The following FARS2 variants were observed in gnomAD, a reference collection of about 807,000 sequenced individuals.
FARS2 encodes phenylalanyl-tRNA synthetase 2, mitochondrial.
Under a neutral mutation model 46.4 loss-of-function variants are expected in FARS2, and 40 were observed. The observed-to-expected ratio is 0.86, with a 90% CI of 0.67 to 1.12. The LOEUF (loss-of-function observed/expected upper bound fraction) is 1.12, where lower values mean the gene tolerates loss of function less well. Among genes scored for constraint, FARS2 ranks in the 50% most tolerant of loss-of-function variants. The probability of loss-of-function intolerance (pLI) is 0.00; values close to 1 mark genes in which losing one functional copy is unlikely to be tolerated. For missense variants in FARS2, 513 were observed against 567.9 expected, an observed-to-expected ratio of 0.90 and a Z score of 0.98; for synonymous variants, 234 against 214.9, an observed-to-expected ratio of 1.09 and a Z score of -0.78.
intron 1 of FARS2, among the ~76,000 whole-genome samples, chr6:5,346,747 CAATTCT>C (rs1338445740): frequency 6.6e-6 from 1 of 151,216 alleles, no homozygotes; most frequent in Non-Finnish European, 1.5e-5. Context: ...TATCCTCCAA[CAATTCT>C]TTTTTTTTTG....
chr6:5,547,555 G>A (rs1771110695), intron 5 of FARS2, among the ~76,000 whole-genome samples: 1 of 152,276 alleles, frequency 6.6e-6, no homozygotes, highest in East Asian at 1.9e-4. Flanking sequence ...GTGAGATCTA[G>A]CCCTGCAGCA....
intron 1 of FARS2, among the ~76,000 whole-genome samples, chr6:5,276,999 T>C (rs1479727514): frequency 6.6e-6 from 1 of 152,326 alleles, no homozygotes; most frequent in East Asian, 1.9e-4. Flanking sequence ...CTCAGTGCAT[T>C]GTGGTGTAAA....
In FARS2 at chr6:5,297,643, T is replaced by C. The variant is rs115492309; in HGVS notation, c.-22+35983T>C. On this transcript the variant is annotated intron_variant, in intron 1 of 6. Coordinates refer to ENST00000274680, the MANE Select transcript of FARS2 (RefSeq NM_006567.5). ...AGCCCGGGCAACAAGGGTGAAACTC[T>C]GTCTCACAAGCAAAAAAATAAAAAA... Among the ~76,000 whole-genome samples the C allele has an allele frequency of 6.8e-3, 984 of 145,692 alleles. 7 individuals are homozygous for C. Among genetic ancestry groups the C allele is most frequent in the Non-Finnish European group, 9.9e-3 (655 of 66,454 alleles).
chr6:5,264,299 C>T (rs1765393424), intron 1 of FARS2, among the ~76,000 whole-genome samples: 1 of 152,012 alleles, frequency 6.6e-6, no homozygotes, highest in African/African-American at 2.4e-5. Context: ...TATTCTACAC[C>T]ACACATGAAT....
chr6:5,724,589 A>G (rs916145730), intron 6 of FARS2, among the ~76,000 whole-genome samples: 28 of 152,276 alleles, frequency 1.8e-4, no homozygotes, highest in African/African-American at 6.0e-4. Context: ...CTGGCAGGAG[A>G]CAGCGCATCC....
intron 6 of FARS2, among the ~76,000 whole-genome samples, chr6:5,718,099 A>C (rs969516675): frequency 2.0e-5 from 3 of 151,986 alleles, no homozygotes; most frequent in Non-Finnish European, 4.4e-5. Context: ...TTTTTGGTAG[A>C]GATGAAGTTT....
chr6:5,366,445 C>T (rs1211211011), intron 1 of FARS2, among the ~76,000 whole-genome samples: 1 of 152,176 alleles, frequency 6.6e-6, no homozygotes, highest in Non-Finnish European at 1.5e-5. Flanking sequence ...TCATCCATCT[C>T]TCTCTGTTAG....
chr6:5,614,892 T>C (rs1018905293), intron 6 of FARS2, among the ~76,000 whole-genome samples: 1 of 152,270 alleles, frequency 6.6e-6, no homozygotes. Flanking sequence ...TATACTTGAA[T>C]AACAGTTTGG....
intron 1 of FARS2, among the ~76,000 whole-genome samples, chr6:5,304,526 T>G (rs1768557333): frequency 6.6e-6 from 1 of 152,232 alleles, no homozygotes; most frequent in African/African-American, 2.4e-5. Context: ...GCAGATTGCT[T>G]TCCAGAAGAG....
chr6:5,444,990 G>A (rs1011168388), intron 4 of FARS2, among the ~76,000 whole-genome samples: 5 of 152,204 alleles, frequency 3.3e-5, no homozygotes, highest in Non-Finnish European at 7.3e-5. Context: ...TCTGTAAGAT[G>A]AGGGGCCTAA....
upstream of FARS2, among the ~76,000 whole-genome samples, chr6:5,256,490 GGAAAAAAAAAAAAAAAAA>G (rs1332974092): frequency 1.6e-3 from 61 of 37,524 alleles, 1 homozygote; most frequent in African/African-American, 3.3e-3. Context: ...GATTTCAACT[GGAAAAAAAAAAAAAAAAA>G]AAAAAAAAAA....
chr6:5,702,690 G>A (rs1758516357), intron 6 of FARS2, among the ~76,000 whole-genome samples: 2 of 152,150 alleles, frequency 1.3e-5, no homozygotes, highest in African/African-American at 4.8e-5. Context: ...CTCATCTCAC[G>A]TTTCCTAAAA....
chr6:5,250,270 A>C, the FARS2 span, among the ~76,000 whole-genome samples: 1 of 152,130 alleles, frequency 6.6e-6, no homozygotes, highest in African/African-American at 2.4e-5. Flanking sequence ...GTATAAATAG[A>C]ATAAGTGCAA....
At chr6:5,500,346 T>G (rs1363739653) in intron 4 of FARS2, among the ~76,000 whole-genome samples, 3 of 152,180 alleles carry the variant, frequency 2.0e-5, no homozygotes, top group Non-Finnish European at 4.4e-5. Context: ...GAAATGCAGC[T>G]TTTCTCCCAG....
At chr6:5,433,934 C>T (rs938258672) in intron 4 of FARS2, among the ~76,000 whole-genome samples, 2 of 152,096 alleles carry the variant, frequency 1.3e-5, no homozygotes, top group South Asian at 4.1e-4. Flanking sequence ...ATTTCCAAGT[C>T]ATTATTGCAC....
chr6:5,668,754 C>T (rs1348285336), intron 6 of FARS2, among the ~76,000 whole-genome samples: 1 of 131,402 alleles, frequency 7.6e-6, no homozygotes, highest in Non-Finnish European at 1.5e-5. Flanking sequence ...AGTGCAATGA[C>T]GTGATCTCGA....
chr6:5,339,910 T>C (rs1380262796), intron 1 of FARS2, among the ~76,000 whole-genome samples: 1 of 152,256 alleles, frequency 6.6e-6, no homozygotes, highest in Non-Finnish European at 1.5e-5. Context: ...ACTTTTATCA[T>C]GCTGACAAGG....
At chr6:5,454,000 T>C (rs1456589360) in intron 4 of FARS2, among the ~76,000 whole-genome samples, 9 of 152,202 alleles carry the variant, frequency 5.9e-5, no homozygotes, top group Non-Finnish European at 1.2e-4. Context: ...GGGATGCTTT[T>C]ACTTTTAATA....
chr6:5,608,394 A>G (rs1774969741), intron 5 of FARS2, among the ~76,000 whole-genome samples: 1 of 152,196 alleles, frequency 6.6e-6, no homozygotes, highest in Non-Finnish European at 1.5e-5. Context: ...GTACCTAGTC[A>G]TCAGTTTAAG....
Sources: gnomAD v4.1 joint callset for allele counts (sites outside exome capture counted in the v4.1 genomes callset) on GRCh38, gnomAD v4.1.1 for gene constraint, MANE v1.5 for transcripts, NCBI Gene and HGNC (gene_info 2026-07-23, HGNC 2026-07-21) for gene names.